The following BAZ2B variants were observed in gnomAD, a reference collection of about 807,000 sequenced individuals.
BAZ2B encodes bromodomain adjacent to zinc finger domain protein 2B.
A neutral mutation model predicts 246.0 loss-of-function variants in BAZ2B; 91 were observed. That is an observed-to-expected ratio of 0.37 (90% confidence interval 0.31 to 0.44). The LOEUF (loss-of-function observed/expected upper bound fraction) is 0.44. Among genes scored for constraint, BAZ2B ranks in the 20% least tolerant of loss-of-function variants. The pLI, the probability that BAZ2B is intolerant of heterozygous loss-of-function variation, is 1.00. For synonymous variants in BAZ2B, 855 were observed against 860.0 expected (o/e 0.99, Z 0.10); for missense variants, 2,332 against 2,533.7 (o/e 0.92, Z 1.71).
the BAZ2B span, among the ~76,000 whole-genome samples, chr2:159,684,739 T>G: frequency 6.6e-6 from 1 of 152,338 alleles, no homozygotes; most frequent in Admixed American, 6.5e-5. Context: ...AAAGCATAGC[T>G]ATACTTTTAT....
chr2:159,329,376 A>G (rs2064313771), intron 34 of BAZ2B, among the ~76,000 whole-genome samples: 1 of 152,260 alleles, frequency 6.6e-6, no homozygotes, highest in South Asian at 2.1e-4. Context: ...AAGGAACCTG[A>G]GCATCTGTGA....
chr2:159,427,031 CA>C (rs2070053698), intron 13 of BAZ2B, among the ~76,000 whole-genome samples: 2 of 152,102 alleles, frequency 1.3e-5, no homozygotes, highest in African/African-American at 4.8e-5. Context: ...CATATGATCT[CA>C]TTTTAATCTT....
At chr2:159,384,083 T>C (rs1270348892) in intron 23 of BAZ2B, among the ~76,000 whole-genome samples, 3 of 152,148 alleles carry the variant, frequency 2.0e-5, no homozygotes, top group East Asian at 1.9e-4. Flanking sequence ...CATATGCATA[T>C]ACACTAAGTG....
intron 1 of BAZ2B, among the ~76,000 whole-genome samples, chr2:159,576,826 T>A (rs1227563696): frequency 6.9e-6 from 1 of 144,420 alleles, no homozygotes; most frequent in East Asian, 2.1e-4. Context: ...GGCAGGAGAA[T>A]CGCTTGAACC....
chr2:159,322,829 C>T (rs1281327277), intron 36 of BAZ2B, among the ~76,000 whole-genome samples: 5 of 152,078 alleles, frequency 3.3e-5, no homozygotes, highest in Non-Finnish European at 5.9e-5. Flanking sequence ...AATCAAACAA[C>T]TCAAAGTGGA....
the BAZ2B span, among the ~76,000 whole-genome samples, chr2:159,629,038 G>A: frequency 1.5e-4 from 23 of 152,172 alleles, no homozygotes; most frequent in Non-Finnish European, 2.9e-4. Context: ...CTTCTCAAAA[G>A]AAGACATTTA....
chr2:159,331,331 AATT>A (rs1224177572), intron 34 of BAZ2B, among the ~76,000 whole-genome samples: 1 of 152,158 alleles, frequency 6.6e-6, no homozygotes, highest in African/African-American at 2.4e-5. Flanking sequence ...GCTAGAGATA[AATT>A]ATTGACATCA....
At chr2:159,610,049 C>A (rs1694376258) in intron 1 of BAZ2B, among the ~76,000 whole-genome samples, 1 of 152,112 alleles carries the variant, frequency 6.6e-6, no homozygotes, top group East Asian at 1.9e-4. Context: ...TAGGACCGAA[C>A]TATTGGCATT....
chr2:159,436,017 T>G (rs1218643431), intron 8 of BAZ2B, among the ~76,000 whole-genome samples: 1 of 152,238 alleles, frequency 6.6e-6, no homozygotes, highest in Non-Finnish European at 1.5e-5. Context: ...GCTAGTTAGA[T>G]GTACCATTTC....
chr2:159,453,213 C>T (rs2075315075), intron 4 of BAZ2B, among the ~76,000 whole-genome samples: 3 of 152,086 alleles, frequency 2.0e-5, no homozygotes, highest in Admixed American at 2.0e-4. Flanking sequence ...TAAAAATACT[C>T]ATAAAACCTG....
chr2:159,379,002 T>C (rs60519592), intron 25 of BAZ2B, among the ~76,000 whole-genome samples: 5,293 of 152,254 alleles, frequency 0.035, 146 homozygotes, highest in African/African-American at 0.075. Flanking sequence ...TGGGTATTTA[T>C]TCAAAAGAAC....
At chr2:159,530,971 A>C (rs34251858) in intron 2 of BAZ2B, among the ~76,000 whole-genome samples, 11,457 of 152,162 alleles carry the variant, frequency 0.075, 601 homozygotes, top group Middle Eastern at 0.14. Context: ...GTCTCAAAAC[A>C]AACAAACAAA....
chr2:159,502,112 A>G (rs2081907805), intron 2 of BAZ2B, among the ~76,000 whole-genome samples: 1 of 152,210 alleles, frequency 6.6e-6, no homozygotes, highest in South Asian at 2.1e-4. Flanking sequence ...AAACATCCAG[A>G]AAAGGATACT....
chr2:159,693,682 C>G, the BAZ2B span: 4 of 151,922 alleles, frequency 2.6e-5, no homozygotes, highest in Non-Finnish European at 5.9e-5. Flanking sequence ...CTTGACCTCT[C>G]AAAGTGTGAG....
intron 27 of BAZ2B, among the ~76,000 whole-genome samples, chr2:159,370,527 C>T (rs565651229): frequency 1.0e-3 from 154 of 151,884 alleles, no homozygotes; most frequent in Admixed American, 1.7e-3. Flanking sequence ...CCCGCCACCA[C>T]GCCCGGCTAA....
At chr2:159,437,491 A>G (rs2150257610) in intron 8 of BAZ2B, 1 of 151,900 alleles carries the variant, frequency 6.6e-6, no homozygotes, top group East Asian at 1.9e-4. Context: ...CTTGGCTCCC[A>G]AAGTGCTAGG....
At chr2:159,511,495 C>A (rs950750142) in intron 2 of BAZ2B, among the ~76,000 whole-genome samples, 2 of 152,054 alleles carry the variant, frequency 1.3e-5, no homozygotes, top group East Asian at 1.9e-4. Flanking sequence ...CGTGAGGTGT[C>A]GCGCCCAGCC....
intron 14 of BAZ2B, among the ~76,000 whole-genome samples, chr2:159,409,374 A>T (rs1017871304): frequency 1.3e-5 from 2 of 152,204 alleles, no homozygotes; most frequent in Non-Finnish European, 1.5e-5. Flanking sequence ...GCTACTTCAT[A>T]TTTTGGAAAA....
chr2:159,421,772 T>G (rs755498918), intron 13 of BAZ2B, among the ~76,000 whole-genome samples: 5 of 151,908 alleles, frequency 3.3e-5, no homozygotes, highest in Non-Finnish European at 7.4e-5. Context: ...ATAAAAGGCA[T>G]CCAAATAGGA....
Sources: allele counts gnomAD v4.1 joint callset (sites outside exome capture counted in the v4.1 genomes callset), GRCh38; gene constraint gnomAD v4.1.1; transcripts MANE v1.5; gene names NCBI Gene and HGNC (gene_info 2026-07-23, HGNC 2026-07-21).